Variants in BST1 observed in about 807,000 individuals in gnomAD.
BST1 encodes the protein ADP-ribosyl cyclase/cyclic ADP-ribose hydrolase 2.
Under a neutral mutation model 40.6 loss-of-function variants are expected in BST1, and 49 were observed. The observed-to-expected ratio is 1.21, with a 90% confidence interval of 0.96 to 1.53. The LOEUF is 1.53. Ranked by LOEUF, BST1 falls within the 40% of genes most tolerant of loss-of-function variation. BST1 has a pLI of 0.00. For synonymous variants in BST1, 157 were observed against 159.3 expected (o/e 0.99, Z 0.11); for missense variants, 423 against 395.9 (o/e 1.07, Z -0.58).
chr4:15,768,432 T>C, the BST1 span, among the ~76,000 whole-genome samples: 1 of 152,084 alleles, frequency 6.6e-6, no homozygotes, highest in African/African-American at 2.4e-5. Context: ...TGTTAATGAT[T>C]GTCTGCCCAT....
intron 4 of BST1, among the ~76,000 whole-genome samples, chr4:15,714,152 T>C (rs926637584): frequency 1.3e-5 from 2 of 152,216 alleles, no homozygotes; most frequent in South Asian, 4.1e-4. Flanking sequence ...TGATCAGGTA[T>C]TGGCATTTAA....
downstream of BST1, among the ~76,000 whole-genome samples, chr4:15,742,375 C>T (rs972642531): frequency 6.6e-6 from 1 of 152,150 alleles, no homozygotes; most frequent in African/African-American, 2.4e-5. Context: ...TGTCTCCCTC[C>T]CTCCTTGGCT....
intron 6 of BST1, among the ~76,000 whole-genome samples, chr4:15,718,646 G>A (rs960203171): frequency 2.0e-5 from 3 of 152,194 alleles, no homozygotes; most frequent in African/African-American, 7.2e-5. Context: ...CTGACACCAC[G>A]CACATGCACT....
chr4:15,724,976 C>T (rs1560285931), intron 8 of BST1, among the ~76,000 whole-genome samples: 2 of 152,130 alleles, frequency 1.3e-5, no homozygotes, highest in South Asian at 2.1e-4. Context: ...TGGAGGTGAG[C>T]GTCTTCAACT....
intron 2 of BST1, among the ~76,000 whole-genome samples, chr4:15,707,190 A>G (rs540660879): frequency 6.6e-6 from 1 of 152,326 alleles, no homozygotes; most frequent in South Asian, 2.1e-4. Flanking sequence ...TTACATATCT[A>G]ATACATGACA....
chr4:15,721,191 C>T (rs1298071558), intron 7 of BST1, among the ~76,000 whole-genome samples: 1 of 152,142 alleles, frequency 6.6e-6, no homozygotes, highest in East Asian at 1.9e-4. Context: ...GTTAACATAA[C>T]AAATCCAACT....
chr4:15,753,129 G>A, the BST1 span, among the ~76,000 whole-genome samples: 2 of 151,862 alleles, frequency 1.3e-5, no homozygotes, highest in Non-Finnish European at 2.9e-5. Flanking sequence ...TGTCCTCTTA[G>A]CATTTCATCT....
At chr4:15,739,593 G>A (rs890669599), downstream of BST1, among the ~76,000 whole-genome samples, 1,796 of 140,588 alleles carry the variant, frequency 0.013, 36 homozygotes, top group African/African-American at 0.048. Flanking sequence ...GTGTGTGTGT[G>A]TATTTCTCCC....
chr4:15,720,247 C>T (rs1375821039), intron 7 of BST1, among the ~76,000 whole-genome samples: 1 of 152,118 alleles, frequency 6.6e-6, no homozygotes, highest in Non-Finnish European at 1.5e-5. Flanking sequence ...CTTTGCATGG[C>T]CTTAACGCAC....
the BST1 span, among the ~76,000 whole-genome samples, chr4:15,762,788 C>A: frequency 6.6e-6 from 1 of 152,078 alleles, no homozygotes; most frequent in Non-Finnish European, 1.5e-5. Context: ...CATATAAGTG[C>A]AATCATATAG....
At position 15,721,770 on chromosome 4, in the gene BST1, C is replaced by G. The variant is rs947319894; in HGVS notation, c.792-1105C>G. ...TGTATACATATGTAACAAACCTGCA[C>G]GTTGTGCACATGTACCCTAGAACTT... On this transcript the variant is annotated intron_variant, in intron 7 of 8. Transcript: ENST00000265016. 7.2e-5 allele frequency among the ~76,000 whole-genome samples: 11 copies of G among 152,154 alleles called. No homozygotes were observed. The East Asian group carries it at 1.9e-3, about 27-fold the overall frequency.
In BST1 at chr4:15,726,136, G is replaced by GTTTTT. The variant is rs58225702; in HGVS notation, c.851+3217_851+3221dup. 1.1e-3 allele frequency among the ~76,000 whole-genome samples: 115 copies of GTTTTT among 107,568 alleles called. 2 individuals are homozygous for GTTTTT. In the South Asian group the frequency reaches 0.014, roughly 13 times the overall value. The allele number at this position is 107,568 out of a possible 152,430, so 70.6% of individuals were successfully genotyped here. A position where few individuals can be genotyped will look rare whatever the true frequency, so the allele number is the denominator to read the frequency against. On this transcript the variant is annotated intron_variant, in intron 8 of 8. Coordinates refer to ENST00000265016, the MANE Select transcript of BST1 (RefSeq NM_004334.3). ...ACCACTACGCCAGCTAACTTTTAAAGTTTTTTTTTTTTTTTTTTTGTAGAG... is the reference window on the plus strand; with the variant it reads ...ACCACTACGCCAGCTAACTTTTAAAGTTTTTTTTTTTTTTTTTTTTTTTTGTAGAG...
chr4:15,736,176 C>G, downstream of BST1: 1 of 1,247,700 alleles, frequency 8.0e-7, no homozygotes, highest in Non-Finnish European at 1.0e-6. Flanking sequence ...TGACTGATCT[C>G]TCTGCTTCTG....
intron 8 of BST1, among the ~76,000 whole-genome samples, chr4:15,727,049 C>G (rs1239168156): frequency 6.6e-6 from 1 of 152,092 alleles, no homozygotes; most frequent in Non-Finnish European, 1.5e-5. Flanking sequence ...CCAGCTGGCA[C>G]TCTGGAGTCA....
At chr4:15,727,728 C>T (rs968459890) in intron 8 of BST1, among the ~76,000 whole-genome samples, 3 of 151,958 alleles carry the variant, frequency 2.0e-5, no homozygotes, top group Non-Finnish European at 2.9e-5. Context: ...AGTCTTTGAC[C>T]TAGGTCACAC....
intron 1 of BST1, among the ~76,000 whole-genome samples, chr4:15,703,608 G>T (rs1323622665): frequency 6.8e-6 from 1 of 146,832 alleles, no homozygotes; most frequent in South Asian, 2.2e-4. Context: ...TGAGGGGTGT[G>T]TGCGTGTGTT....
At chr4:15,728,440 A>G (rs913008774) in intron 8 of BST1, among the ~76,000 whole-genome samples, 13 of 147,014 alleles carry the variant, frequency 8.8e-5, no homozygotes, top group African/African-American at 3.3e-4. Flanking sequence ...TAAGTAACTA[A>G]TTCTTTTTCT....
chr4:15,773,111 T>C, the BST1 span, among the ~76,000 whole-genome samples: 4 of 152,132 alleles, frequency 2.6e-5, no homozygotes, highest in African/African-American at 7.2e-5. Context: ...GTGGGGAAGC[T>C]CTTCCTGGGT....
At chr4:15,739,342 G>T (rs939344132), downstream of BST1, among the ~76,000 whole-genome samples, 4 of 152,090 alleles carry the variant, frequency 2.6e-5, no homozygotes, top group Admixed American at 6.6e-5. Flanking sequence ...AAATCACTCC[G>T]CTTAGAATTT....
Sources: allele counts gnomAD v4.1 joint callset (sites outside exome capture counted in the v4.1 genomes callset), GRCh38; gene constraint gnomAD v4.1.1; transcripts MANE v1.5; gene names NCBI Gene and HGNC (gene_info 2026-07-23, HGNC 2026-07-21).